TP73: variants seen among roughly 807,000 people sequenced by gnomAD.
The protein encoded by TP73 is tumor protein p73.
Under a neutral mutation model 62.5 loss-of-function variants are expected in TP73, and 25 were observed. The observed-to-expected ratio is 0.40, with a 90% CI of 0.29 to 0.56. TP73 has a LOEUF of 0.56. Among genes scored for constraint, TP73 ranks in the 20% least tolerant of loss-of-function variants. TP73 has a pLI of 0.46. For missense variants in TP73, 754 were observed against 913.3 expected (o/e 0.83, Z 2.25); for synonymous variants, 423 against 377.5 (o/e 1.12, Z -1.40).
chr1:3,704,387 T>G (rs1639457636), intron 3 of TP73, among the ~76,000 whole-genome samples: 1 of 152,138 alleles, frequency 6.6e-6, no homozygotes. Flanking sequence ...CCATCCACAT[T>G]TCACACACCC....
At chr1:3,665,159 A>G (rs114929404) in intron 1 of TP73, among the ~76,000 whole-genome samples, 243 of 152,238 alleles carry the variant, frequency 1.6e-3, no homozygotes, top group African/African-American at 5.6e-3. Flanking sequence ...CATAATTACA[A>G]GAGTCTCCTG....
At chr1:3,697,311 C>T (rs960756545) in intron 3 of TP73, among the ~76,000 whole-genome samples, 2 of 152,236 alleles carry the variant, frequency 1.3e-5, no homozygotes, top group African/African-American at 4.8e-5. Flanking sequence ...TGCTCAGCTC[C>T]GACCACCTCT....
In TP73 at chr1:3,735,168, C is replaced by T. The variant is rs540503485; in HGVS notation, c.*2089C>T. 3.3e-5 allele frequency: 5 copies of T among 152,314 alleles called. No individual in the cohort carries two copies. The East Asian group carries it at 9.7e-4, about 29-fold the overall frequency. 9.4% of individuals were successfully genotyped at this position (152,314 alleles called of 1,614,324 possible). ...ACACCCATCTCTTGGGGGCTGGGCA[C>T]CTGCTACCCGAGGCCACCTCCTGAA... On this transcript the variant is annotated 3_prime_UTR_variant, in exon 14 of 14. Transcript: ENST00000378295.
chr1:3,730,194 C>A (rs1180624008), intron 11 of TP73, 46 bp downstream of exon 11: 1 of 1,467,184 alleles, frequency 6.8e-7, no homozygotes, highest in East Asian at 2.5e-5. Flanking sequence ...GCGGGGAGGC[C>A]CACTGGGGGC....
At chr1:3,680,471 G>A (rs557376086) in intron 1 of TP73, among the ~76,000 whole-genome samples, 5 of 152,112 alleles carry the variant, frequency 3.3e-5, no homozygotes, top group African/African-American at 4.8e-5. Context: ...GGCCTCTGGC[G>A]GCAAAACCTT....
At chr1:3,681,497 G>A (rs763014476) in intron 1 of TP73, among the ~76,000 whole-genome samples, 19 of 152,264 alleles carry the variant, frequency 1.2e-4, no homozygotes, top group Middle Eastern at 6.8e-3. Flanking sequence ...ACCAGCGGAC[G>A]GGCGCTGGGG....
chr1:3,732,978 G>T lies in TP73; in HGVS notation c.1810G>T (p.Gly604Cys). 1 of 1,597,598 alleles carries T rather than the reference G, an allele frequency of 6.3e-7. No homozygotes were observed. Among genetic ancestry groups the T allele is most frequent in the Non-Finnish European group, 8.5e-7 (1 of 1,174,880 alleles). ...ITIPNRGGPG[G>C]GPDEWADFGF... ...CATCCCCAACCGCGGCGGCCCAGGCGGCGGCCCTGACGAGTGGGCGGACTT... is the reference window on the plus strand; with the variant it reads ...CATCCCCAACCGCGGCGGCCCAGGCTGCGGCCCTGACGAGTGGGCGGACTT... Residue 604 changes from glycine to cysteine, a missense_variant, in exon 14 of 14, where the codon GGC becomes TGC. Around this residue, in one of 3 missense-constraint regions of TP73, gnomAD observed 458 missense variants for 528.7 expected, o/e 0.87. Coordinates refer to ENST00000378295, the MANE Select transcript of TP73 (RefSeq NM_005427.4).
At chr1:3,674,720 G>A (rs1186548583) in intron 1 of TP73, among the ~76,000 whole-genome samples, 1 of 152,210 alleles carries the variant, frequency 6.6e-6, no homozygotes, top group African/African-American at 2.4e-5. Flanking sequence ...CCTGCCAAGC[G>A]AGAGCGGCCC....
At chr1:3,700,621 A>C (rs1158142782) in intron 3 of TP73, among the ~76,000 whole-genome samples, 1 of 151,982 alleles carries the variant, frequency 6.6e-6, no homozygotes, top group Non-Finnish European at 1.5e-5. Context: ...ACATGGTGAA[A>C]CCCCCGTCTC....
chr1:3,690,963 T>G (rs1179451339), intron 3 of TP73: 1 of 1,572,554 alleles, frequency 6.4e-7, no homozygotes, highest in Non-Finnish European at 8.6e-7. Context: ...GACGCGCCAT[T>G]CATAGGATCT....
In TP73 at chr1:3,663,243, G is replaced by A. The variant is rs1443654947; in HGVS notation, c.-34+10602G>A. 6.6e-6 allele frequency among the ~76,000 whole-genome samples: 1 copy of A among 152,152 alleles called. No individual in the cohort carries two copies. Among genetic ancestry groups the A allele is most frequent in the African/African-American group, 2.4e-5 (1 of 41,428 alleles). ...AACAAGAGGACCCTCTGCCTATCAC[G>A]AGCCTGGTGGCTGCCGTACCAGTAA... On this transcript the variant is annotated intron_variant, in intron 1 of 13. Transcript: ENST00000378295. The surrounding 1 kb of genome is among the most constrained non-coding windows in gnomAD (Gnocchi z 4.7).
At chr1:3,686,841 C>A (rs1455433977) in intron 3 of TP73, among the ~76,000 whole-genome samples, 6 of 152,152 alleles carry the variant, frequency 3.9e-5, no homozygotes, top group Non-Finnish European at 7.3e-5. Context: ...ATTACATAGC[C>A]CTCTGGGCCT....
chr1:3,692,978 C>A (rs986786485), intron 3 of TP73, among the ~76,000 whole-genome samples: 1 of 152,206 alleles, frequency 6.6e-6, no homozygotes, highest in Admixed American at 6.5e-5. Flanking sequence ...TTTCTTTTTA[C>A]ACCAAGGATT....
intron 6 of TP73, 52 bp from the exon 7 acceptor site, chr1:3,727,063 G>A: frequency 6.5e-7 from 1 of 1,530,984 alleles, no homozygotes; most frequent in Non-Finnish European, 9.0e-7. Flanking sequence ...CACCTTAGTG[G>A]ATTGGGGCTG....
Position 3,666,124 on chromosome 1 carries a change from C to CAAAAAAA in TP73, c.-34+13504_-34+13510dup. Among the ~76,000 whole-genome samples, 1 of 41,066 alleles carries CAAAAAAA rather than the reference C, an allele frequency of 2.4e-5. No homozygotes were observed. The highest frequency in any genetic ancestry group is 4.5e-5 in the Non-Finnish European group (1 of 22,134). The allele number at this position is 41,066 out of a possible 152,430, so 26.9% of individuals were successfully genotyped here. On this transcript the variant is annotated intron_variant, in intron 1 of 13. Transcript: ENST00000378295. This position sits in a 1 kb window ranked among gnomAD's most constrained non-coding sequence, Gnocchi z 6.4. ...GGGCAACAAGAGCAAAACTCTGTCT[C>CAAAAAAA]AAAAAAAAAAAAAAAAAAAAAAAAA... is the stretch of plus-strand genomic sequence containing the variant.
intron 4 of TP73, chr1:3,714,317 C>G (rs914711557): frequency 1.4e-4 from 21 of 152,258 alleles, no homozygotes; most frequent in African/African-American, 4.6e-4. Flanking sequence ...GCCAGAGACT[C>G]CGGGACTGTC....
rs114839520 is a variant in TP73, at chr1:3,717,364, G to A, written c.430-4657G>A. On this transcript the variant is annotated intron_variant, in intron 4 of 13. Coordinates refer to ENST00000378295, the MANE Select transcript of TP73 (RefSeq NM_005427.4). Reference sequence around the variant, plus strand: ...GGAGGGTCGGAGAGGAGCCGGCAGCGTGGGGAGGGATGGGCACAGTGGCGT... The same window carrying A: ...GGAGGGTCGGAGAGGAGCCGGCAGCATGGGGAGGGATGGGCACAGTGGCGT... 9.3e-3 allele frequency among the ~76,000 whole-genome samples: 1,423 copies of A among 152,330 alleles called. 25 individuals are homozygous for A. The highest frequency in any genetic ancestry group is 0.033 in the African/African-American group (1,363 of 41,574).
intron 3 of TP73, among the ~76,000 whole-genome samples, chr1:3,697,196 G>T (rs1338342298): frequency 6.8e-6 from 1 of 146,132 alleles, no homozygotes; most frequent in Non-Finnish European, 1.5e-5. Context: ...GGCCCACCTC[G>T]CACCCACTGC....
In TP73 at chr1:3,733,971, A is replaced by T. The variant is rs1290840997; in HGVS notation, c.*892A>T. The T allele has an allele frequency of 6.7e-6, 1 of 149,524 alleles. No homozygotes were observed. Among genetic ancestry groups the T allele is most frequent in the East Asian group, 2.0e-4 (1 of 5,106 alleles). The allele number at this position is 149,524 out of a possible 1,614,324, so 9.3% of individuals were successfully genotyped here. On this transcript the variant is annotated 3_prime_UTR_variant, in exon 14 of 14. Coordinates refer to ENST00000378295, the MANE Select transcript of TP73 (RefSeq NM_005427.4). ...TTCTCAGCATTCTCTTTGGAGTTCAACCTAGCGCCCATGAGCCAGGCTGAG... is the reference window on the plus strand; with the variant it reads ...TTCTCAGCATTCTCTTTGGAGTTCATCCTAGCGCCCATGAGCCAGGCTGAG...
Sources: gnomAD v4.1 joint callset for allele counts (sites outside exome capture counted in the v4.1 genomes callset) on GRCh38, gnomAD v4.1.1 for gene constraint, gnomAD v4.1.1 regional missense constraint, Gnocchi (gnomAD v3.1) non-coding constraint, MANE v1.5 for transcripts, NCBI Gene and HGNC (gene_info 2026-07-23, HGNC 2026-07-21) for gene names.